Variants in TXNDC16 observed in about 807,000 individuals in gnomAD.
The protein encoded by TXNDC16 is thioredoxin domain containing 16.
TXNDC16 carries 74 observed loss-of-function variants against 85.6 expected under a neutral mutation model. The observed-to-expected ratio is 0.86, with a 90% CI of 0.72 to 1.05. TXNDC16 has a LOEUF of 1.05. Among genes scored for constraint, TXNDC16 ranks in the 50% least tolerant of loss-of-function variants. The pLI is 0.00. For missense variants in TXNDC16, 959 were observed against 947.0 expected (o/e 1.01, Z -0.17); for synonymous variants, 335 against 326.5 (o/e 1.03, Z -0.28).
intron 14 of TXNDC16, 69 bp downstream of exon 14, chr14:52,482,161 A>T (rs2036164625): frequency 1.4e-6 from 2 of 1,382,690 alleles, no homozygotes; most frequent in South Asian, 2.8e-5. Context: ...TATTTTTTGC[A>T]TGACATAGTT....
chr14:52,527,127 C>T (rs578031686), intron 6 of TXNDC16, among the ~76,000 whole-genome samples: 2 of 152,340 alleles, frequency 1.3e-5, no homozygotes, highest in South Asian at 4.1e-4. Flanking sequence ...CTGTGAGCCA[C>T]TCTAGAGAAA....
chr14:52,541,914 C>T lies in TXNDC16; in HGVS notation c.243+457G>A, dbSNP rs181177280. On this transcript the variant is annotated intron_variant, in intron 4 of 20. Coordinates refer to ENST00000281741, the MANE Select transcript of TXNDC16 (RefSeq NM_020784.3). Reference sequence around the variant, plus strand: ...TATAACTTTGTTCTAAAAATAAATGCGAAAAAGTGAAACATAAACAATTAT... The same window carrying T: ...TATAACTTTGTTCTAAAAATAAATGTGAAAAAGTGAAACATAAACAATTAT... Among the ~76,000 whole-genome samples, 100 of 151,678 alleles carry T rather than the reference C, an allele frequency of 6.6e-4. 1 individual carries two copies. Among genetic ancestry groups the T allele is most frequent in the African/African-American group, 2.1e-3 (87 of 41,342 alleles).
At chr14:52,528,965 A>G (rs916587462) in intron 6 of TXNDC16, among the ~76,000 whole-genome samples, 1 of 147,716 alleles carries the variant, frequency 6.8e-6, no homozygotes, top group Non-Finnish European at 1.5e-5. Flanking sequence ...TTATCTATAT[A>G]ATACCTATTC....
At chr14:52,518,583 A>T (rs554949342) in intron 7 of TXNDC16, among the ~76,000 whole-genome samples, 10 of 152,116 alleles carry the variant, frequency 6.6e-5, no homozygotes, top group African/African-American at 1.7e-4. Context: ...CACTGCCATC[A>T]CCCTGGTCCA....
intron 5 of TXNDC16, 84 bp downstream of exon 5, chr14:52,537,515 T>C: frequency 1.9e-6 from 2 of 1,043,376 alleles, no homozygotes; most frequent in Non-Finnish European, 2.9e-6. Flanking sequence ...ATGACTTTAT[T>C]CTAGCTCAGT....
intron 9 of TXNDC16, among the ~76,000 whole-genome samples, chr14:52,500,061 C>T (rs2036621440): frequency 6.6e-6 from 1 of 151,950 alleles, no homozygotes; most frequent in Admixed American, 6.6e-5. Flanking sequence ...TATGGAGGTT[C>T]TTCAAAAATT....
At chr14:52,435,909 T>A (rs2035016093) in intron 20 of TXNDC16, among the ~76,000 whole-genome samples, 1 of 151,692 alleles carries the variant, frequency 6.6e-6, no homozygotes, top group East Asian at 1.9e-4. Context: ...AGCCCAGGAG[T>A]TCGGGGCTGT....
chr14:52,489,994 A>C (rs1053620316), intron 11 of TXNDC16, among the ~76,000 whole-genome samples: 15 of 151,686 alleles, frequency 9.9e-5, no homozygotes, highest in Non-Finnish European at 1.9e-4. Context: ...GCACCACCAC[A>C]CCCAGCCAAT....
intron 11 of TXNDC16, 26 bp downstream of exon 11, chr14:52,490,365 G>T (rs373400739): frequency 1.1e-5 from 16 of 1,522,128 alleles, no homozygotes; most frequent in Non-Finnish European, 1.4e-5. Flanking sequence ...AACAGATATT[G>T]TAGAACAATA....
chr14:52,509,153 G>C (rs1015457890), intron 9 of TXNDC16, among the ~76,000 whole-genome samples: 1 of 151,728 alleles, frequency 6.6e-6, no homozygotes, highest in Non-Finnish European at 1.5e-5. Flanking sequence ...AAACAAAAAA[G>C]AGTTTTGAAA....
chr14:52,473,310 G>A (rs780103064), intron 14 of TXNDC16, among the ~76,000 whole-genome samples: 1 of 152,096 alleles, frequency 6.6e-6, no homozygotes, highest in Non-Finnish European at 1.5e-5. Context: ...AGACAACGCT[G>A]CTGCTTTGAT....
At chr14:52,535,435 CA>C (rs1298917097) in intron 6 of TXNDC16, among the ~76,000 whole-genome samples, 1 of 152,108 alleles carries the variant, frequency 6.6e-6, no homozygotes, top group Non-Finnish European at 1.5e-5. Context: ...AAGTGATAAG[CA>C]CAACTTTTCA....
At chr14:52,508,429 G>A (rs1265329049) in intron 9 of TXNDC16, among the ~76,000 whole-genome samples, 1 of 152,116 alleles carries the variant, frequency 6.6e-6, no homozygotes, top group East Asian at 1.9e-4. Flanking sequence ...GGCGCTGGAG[G>A]GGATGTGAAG....
chr14:52,433,212 T>C (rs1254111350), intron 20 of TXNDC16, among the ~76,000 whole-genome samples: 1 of 152,146 alleles, frequency 6.6e-6, no homozygotes, highest in South Asian at 2.1e-4. Flanking sequence ...GTACTATACA[T>C]AGTGATTAAA....
intron 16 of TXNDC16, among the ~76,000 whole-genome samples, chr14:52,457,424 T>C (rs1484424465): frequency 6.6e-6 from 1 of 152,186 alleles, no homozygotes; most frequent in Non-Finnish European, 1.5e-5. Flanking sequence ...CTAAATGTAA[T>C]TCATAAGCTT....
At chr14:52,490,486 T>C in intron 10 of TXNDC16, 35 bp from the exon 11 acceptor site, 2 of 1,496,090 alleles carry the variant, frequency 1.3e-6, no homozygotes, top group Non-Finnish European at 1.8e-6. Flanking sequence ...TTTATGTTGC[T>C]AATCTGAAGA....
rs1281544813 is a variant in TXNDC16, at chr14:52,470,505, T to C, written c.1481+7A>G. The stretch of plus-strand genomic sequence containing the variant: ...TCAGAGATCTTATAATGAAGCTGAA[T>C]ACTTACAGCTGGATAAATTTTAGGA... On this transcript the variant is annotated splice_region_variant and intron_variant, in intron 15 of 20. Transcript: ENST00000281741. 6.2e-7 allele frequency: 1 copy of C among 1,608,326 alleles called. No homozygotes were observed. Among genetic ancestry groups the C allele is most frequent in the Non-Finnish European group, 8.5e-7 (1 of 1,178,046 alleles).
At chr14:52,493,209 A>G (rs1433589671) in intron 9 of TXNDC16, among the ~76,000 whole-genome samples, 1 of 90,138 alleles carries the variant, frequency 1.1e-5, no homozygotes, top group Non-Finnish European at 2.4e-5. Flanking sequence ...ATATATATAT[A>G]TATATATACA....
At chr14:52,510,780 T>C (rs1262779351) in intron 9 of TXNDC16, among the ~76,000 whole-genome samples, 1 of 152,234 alleles carries the variant, frequency 6.6e-6, no homozygotes, top group African/African-American at 2.4e-5. Flanking sequence ...TACAACATTC[T>C]TTCAGGCTAA....
Sources: gnomAD v4.1 joint callset for allele counts (sites outside exome capture counted in the v4.1 genomes callset) on GRCh38, gnomAD v4.1.1 for gene constraint, MANE v1.5 for transcripts, NCBI Gene and HGNC (gene_info 2026-07-23, HGNC 2026-07-21) for gene names.